IREB2: variants seen among roughly 807,000 people sequenced by gnomAD.
IREB2 encodes the protein iron-responsive element-binding protein 2.
In IREB2, 39 loss-of-function variants were observed where a neutral mutation model predicts 118.8. That is an observed-to-expected ratio of 0.33 (90% confidence interval 0.25 to 0.43). The LOEUF (loss-of-function observed/expected upper bound fraction) is 0.43. Ranked by LOEUF, IREB2 falls within the 20% of genes least tolerant of loss-of-function variation. The probability of loss-of-function intolerance (pLI) is 1.00; values close to 1 mark genes in which losing one functional copy is unlikely to be tolerated. For synonymous variants in IREB2, 372 were observed against 392.2 expected (o/e 0.95, Z 0.61); for missense variants, 900 against 1,147.3 (o/e 0.78, Z 3.11).
At position 78,443,038 on chromosome 15, in the gene IREB2, A is replaced by G. The variant is rs192873179; in HGVS notation, c.106+3157A>G. ...CTCTTACTCATGGGGGATATGTTCC[A>G]AGACCCTCAGTAGACACCGGAGACT... On this transcript the variant is annotated intron_variant, in intron 2 of 21. Coordinates refer to ENST00000258886, the MANE Select transcript of IREB2 (RefSeq NM_004136.4). Among the ~76,000 whole-genome samples, 24 of 152,350 alleles carry G rather than the reference A, an allele frequency of 1.6e-4. No homozygotes were observed. The East Asian group carries it at 4.6e-3, about 29-fold the overall frequency.
rs1408781593 is a variant in IREB2 at position 78,497,296 on chromosome 15, T to G, written c.2766T>G (p.Ile922Met). The change falls in exon 21 of 22, where the codon ATT becomes ATG. Residue 922 changes from isoleucine to methionine, a missense_variant. Coordinates refer to ENST00000258886, the MANE Select transcript of IREB2 (RefSeq NM_004136.4). The stretch of plus-strand genomic sequence containing the variant: ...TTCCTGAAGAACTGTCTCCTGGAAT[T>G]ACATTGAATATACAGGTATCTCTAA... ...LTFPEELSPG[I>M]TLNIQTSTGK... 1.2e-6 allele frequency: 2 copies of G among 1,612,022 alleles called. No homozygotes were observed. Among genetic ancestry groups the G allele is most frequent in the Non-Finnish European group, 8.5e-7 (1 of 1,178,062 alleles).
At position 78,438,237 on chromosome 15, in the gene IREB2, C is replaced by T. The variant is rs774870147; in HGVS notation, c.-101C>T. 43 of 913,852 alleles carry T rather than the reference C, an allele frequency of 4.7e-5. No homozygotes were observed. The highest frequency in any genetic ancestry group is 6.9e-5 in the Non-Finnish European group (39 of 565,496). 56.6% of individuals were successfully genotyped at this position (913,852 alleles called of 1,614,324 possible). A position where few individuals can be genotyped will look rare whatever the true frequency, so the allele number is the denominator to read the frequency against. Reference sequence around the variant, plus strand: ...GCGCGAGCCTGCTTCCTTCTTTCCTCCCTTGCCAGTCCGCCTGTCTTCCTC... The same window carrying T: ...GCGCGAGCCTGCTTCCTTCTTTCCTTCCTTGCCAGTCCGCCTGTCTTCCTC... On this transcript the variant is annotated 5_prime_UTR_variant, in exon 1 of 22. Transcript: ENST00000258886.
chr15:78,479,859 T>A (rs1026819425), intron 10 of IREB2, among the ~76,000 whole-genome samples: 21 of 150,824 alleles, frequency 1.4e-4, no homozygotes, highest in African/African-American at 4.6e-4. Flanking sequence ...AGGTCAAGGC[T>A]GCAGTGAGCT....
At chr15:78,479,426 G>C (rs1287420643) in intron 10 of IREB2, among the ~76,000 whole-genome samples, 1 of 148,328 alleles carries the variant, frequency 6.7e-6, no homozygotes, top group African/African-American at 2.5e-5. Flanking sequence ...GGTAGAGAGA[G>C]GATTTTGCCG....
chr15:78,497,173 T>A lies in IREB2; in HGVS notation c.2643T>A (p.Asp881Glu). ...LAESYEKIHK[D>E]HLIGIGIAPL... ...AAAGTTATGAAAAAATACACAAAGA[T>A]CATTTGATTGGAATTGGCATAGCTC... The change falls in exon 21 of 22, where the codon GAT becomes GAA. Residue 881 changes from aspartate to glutamate, a missense_variant. Physicochemically the swap from Asp to Glu is conservative, Grantham distance 45. Transcript: ENST00000258886. 1 of 1,613,924 alleles carries A rather than the reference T, an allele frequency of 6.2e-7. No homozygotes were observed. The highest frequency in any genetic ancestry group is 8.5e-7 in the Non-Finnish European group (1 of 1,179,850).
chr15:78,480,905 A>T (rs908674265), intron 10 of IREB2, among the ~76,000 whole-genome samples: 8 of 151,456 alleles, frequency 5.3e-5, no homozygotes, highest in Non-Finnish European at 8.8e-5. Flanking sequence ...GCTACTCAGG[A>T]GGCTGAGGCA....
intron 2 of IREB2, among the ~76,000 whole-genome samples, chr15:78,447,610 C>T (rs961266483): frequency 1.2e-4 from 19 of 152,120 alleles, no homozygotes; most frequent in African/African-American, 4.1e-4. Flanking sequence ...GGAGTACAGG[C>T]GTGAGCCACC....
At chr15:78,448,598 G>A (rs1268066783) in intron 2 of IREB2, among the ~76,000 whole-genome samples, 1 of 152,212 alleles carries the variant, frequency 6.6e-6, no homozygotes, top group African/African-American at 2.4e-5. Flanking sequence ...ACACTTACTT[G>A]ACTCTAGTCA....
At chr15:78,460,815 G>T (rs2051184118) in intron 2 of IREB2, among the ~76,000 whole-genome samples, 1 of 151,900 alleles carries the variant, frequency 6.6e-6, no homozygotes, top group African/African-American at 2.4e-5. Flanking sequence ...CTTGGCTACT[G>T]TGATTTTTTT....
At chr15:78,486,254 A>T (rs2051657399) in intron 13 of IREB2, among the ~76,000 whole-genome samples, 1 of 152,226 alleles carries the variant, frequency 6.6e-6, no homozygotes, top group South Asian at 2.1e-4. Flanking sequence ...TAGTTTTATG[A>T]GGTTATTGGG....
chr15:78,437,649 G>C (rs1172040184), upstream of IREB2: 1 of 152,718 alleles, frequency 6.5e-6, no homozygotes, highest in Non-Finnish European at 1.5e-5. Flanking sequence ...AGCTGAGGCG[G>C]AAGGATGGAG....
chr15:78,453,001 T>A (rs2656071), intron 2 of IREB2, among the ~76,000 whole-genome samples: 118,840 of 152,222 alleles, frequency 0.78, 46,710 homozygotes, highest in African/African-American at 0.85. Flanking sequence ...GTTGTGTTAC[T>A]TACAGAAAAG....
In IREB2 at chr15:78,488,216, A is replaced by G; in HGVS notation, c.1831A>G (p.Lys611Glu). 1 of 1,609,844 alleles carries G rather than the reference A, an allele frequency of 6.2e-7. No individual in the cohort carries two copies. Among genetic ancestry groups the G allele is most frequent in the Non-Finnish European group, 8.5e-7 (1 of 1,178,842 alleles). ...TACCTGTGGAATTTTATCTGGAAAC[A>G]AAAATTTTGAAGGTCGTCTTTGTGA... ...LVTCGILSGN[K>E]NFEGRLCDCV... Residue 611 changes from lysine to glutamate, a missense_variant, in exon 15 of 22, where the codon AAA becomes GAA. Coordinates refer to ENST00000258886, the MANE Select transcript of IREB2 (RefSeq NM_004136.4).
At position 78,478,332 on chromosome 15, in the gene IREB2, T is replaced by C. The variant is rs144938417; in HGVS notation, c.1231T>C (p.Tyr411His). The part of the protein sequence containing the change: ...SKAKLESMET[Y>H]LKAVKLFRND... ...AGCCAAACTCGAATCAATGGAAACA[T>C]ACCTTAAAGCTGTGAAATTGTTTCG... The change falls in exon 10 of 22, where the codon TAC (tyrosine) becomes CAC (histidine). Residue 411 changes from tyrosine to histidine, a missense_variant. Coordinates refer to ENST00000258886, the MANE Select transcript of IREB2 (RefSeq NM_004136.4). 23 of 1,613,566 alleles carry C rather than the reference T, an allele frequency of 1.4e-5. No individual in the cohort carries two copies. The African/African-American group carries it at 1.7e-4, about 12-fold the overall frequency.
intron 3 of IREB2, among the ~76,000 whole-genome samples, chr15:78,463,785 C>T (rs2051237000): frequency 6.6e-6 from 1 of 152,110 alleles, no homozygotes; most frequent in Non-Finnish European, 1.5e-5. Context: ...CTCAAGCGAT[C>T]CTCCTGCCTC....
At chr15:78,475,908 T>A (rs959366539) in intron 8 of IREB2, 9 of 229,580 alleles carry the variant, frequency 3.9e-5, no homozygotes, top group Non-Finnish European at 7.6e-5. Context: ...TGAGTTGAGG[T>A]ACCCTGATTT....
chr15:78,458,984 G>C (rs1009413911), intron 2 of IREB2, among the ~76,000 whole-genome samples: 9 of 151,818 alleles, frequency 5.9e-5, no homozygotes, highest in Admixed American at 2.0e-4. Context: ...ATTTTTAGTA[G>C]AGATGGGGTT....
In IREB2 at chr15:78,490,468, T is replaced by G; in HGVS notation, c.2123T>G (p.Leu708Trp). ...TCCTTAGAAGCACCGGATTCAGTTT[T>G]GTTTCCATGGGACTTAAAGTCTACT... ...WNSLEAPDSV[L>W]FPWDLKSTYI... The change falls in exon 17 of 22, where the codon TTG becomes TGG. Residue 708 changes from leucine (L) to tryptophan (W), a missense_variant. Transcript: ENST00000258886. 1 of 1,609,262 alleles carries G rather than the reference T, an allele frequency of 6.2e-7. No homozygotes were observed. The highest frequency in any genetic ancestry group is 8.5e-7 in the Non-Finnish European group (1 of 1,178,746).
Position 78,445,142 on chromosome 15 carries a change from T to TTA in IREB2, c.106+5262_106+5263insAT, listed in dbSNP as rs1567161613. ...ACTGTTGGTTCCAGTCTTTATTTTT[T>TTA]TTTTTTTTTTTTTGAGACAGAGTCT... On this transcript the variant is annotated intron_variant, in intron 2 of 21. Transcript: ENST00000258886. 1.9e-3 allele frequency among the ~76,000 whole-genome samples: 282 copies of TTA among 148,062 alleles called. 5 individuals are homozygous for TTA. In the East Asian group the frequency reaches 0.029, roughly 15 times the overall value.
Sources: allele counts gnomAD v4.1 joint callset (sites outside exome capture counted in the v4.1 genomes callset), GRCh38; gene constraint gnomAD v4.1.1; transcripts MANE v1.5; gene names NCBI Gene and HGNC (gene_info 2026-07-23, HGNC 2026-07-21).